Variants in SLC19A1 observed in about 807,000 individuals in gnomAD.
SLC19A1 encodes solute carrier family 19 member 1.
In SLC19A1, 37 loss-of-function variants were observed where a neutral mutation model predicts 35.3. The observed-to-expected ratio is 1.05, with a 90% CI of 0.81 to 1.38. The LOEUF (loss-of-function observed/expected upper bound fraction) is 1.38. Ranked by LOEUF, SLC19A1 falls within the 40% of genes most tolerant of loss-of-function variation. The pLI is 0.00. For synonymous variants in SLC19A1, 460 were observed against 398.5 expected, an observed-to-expected ratio of 1.15 and a Z score of -1.84; for missense variants, 831 against 826.9, an observed-to-expected ratio of 1.00 and a Z score of -0.06.
rs1568942232 is a variant in SLC19A1, at chr21:45,505,213, GCCAGGGCCCTCCCGGCCCCCCAGGCCCC to G, written c.498-6629_498-6602del. ...CCCCCCGGCATCGGCTACGAGGGGC[GCCAGGGCCCTCCCGGCCCCCCAGGCCCC>G]CCAGGGCCCCCTTCATTTCCTGGCC... On this transcript the variant is annotated intron_variant, in intron 3 of 4. Transcript: ENST00000417954. 7 of 1,600,038 alleles carry G rather than the reference GCCAGGGCCCTCCCGGCCCCCCAGGCCCC, an allele frequency of 4.4e-6. No individual in the cohort carries two copies. The highest frequency in any genetic ancestry group is 1.7e-5 in the Admixed American group (1 of 58,530).
rs1477231448 is a variant in SLC19A1 at position 45,534,698 on chromosome 21, T to G, written c.190-2550A>C. The G allele has an allele frequency of 3.9e-6, 4 of 1,033,292 alleles. No individual in the cohort carries two copies. The African/African-American group carries it at 6.3e-5, about 16-fold the overall frequency. The allele number at this position is 1,033,292 out of a possible 1,614,324, so 64.0% of individuals were successfully genotyped here. A position where few individuals can be genotyped will look rare whatever the true frequency, so the allele number is the denominator to read the frequency against. On this transcript the variant is annotated intron_variant, in intron 2 of 5. Transcript: ENST00000311124. This position sits in a 1 kb window ranked among gnomAD's most constrained non-coding sequence, Gnocchi z 4.2. ...CTCCCGCTCCTCTCCCTGCACCTCCTCAACGGCCCCTACTCCCTCTTCCTC... is the reference window on the plus strand; with the variant it reads ...CTCCCGCTCCTCTCCCTGCACCTCCGCAACGGCCCCTACTCCCTCTTCCTC...
intron 3 of SLC19A1, chr21:45,506,038 G>T (rs1392673828): frequency 2.5e-6 from 4 of 1,608,412 alleles, no homozygotes; most frequent in Non-Finnish European, 2.5e-6. Flanking sequence ...TAAGGAAGGC[G>T]AGAGGCTCAG....
At position 45,531,441 on chromosome 21, in the gene SLC19A1, G is replaced by A. The variant is rs567830515; in HGVS notation, c.897C>T (p.Thr299=). 1 of 1,611,302 alleles carries A rather than the reference G, an allele frequency of 6.2e-7. No homozygotes were observed. Among genetic ancestry groups the A allele is most frequent in the East Asian group, 2.2e-5 (1 of 44,872 alleles). ...HILWNEVDPT[T]NSARVYNGAA... Reference sequence around the variant, plus strand: ...CGCCGTTGTAGACCCGCGCACTGTTGGTGGTGGGGTCCACCTCGTTCCACA... The same window carrying A: ...CGCCGTTGTAGACCCGCGCACTGTTAGTGGTGGGGTCCACCTCGTTCCACA... The change falls in exon 3 of 6, where the codon ACC becomes ACT. Residue 299 remains threonine, a synonymous_variant. Transcript: ENST00000311124.
chr21:45,512,250 G>A, downstream of SLC19A1: 1 of 1,612,574 alleles, frequency 6.2e-7, no homozygotes, highest in Non-Finnish European at 8.5e-7. Context: ...GAGAGCTACT[G>A]TGAGACGTGG....
chr21:45,535,598 G>A (rs1389793307), intron 2 of SLC19A1, among the ~76,000 whole-genome samples: 1 of 152,196 alleles, frequency 6.6e-6, no homozygotes, highest in Non-Finnish European at 1.5e-5. Context: ...GCAGCCCGTG[G>A]CAGGCTGCAG....
intron 5 of SLC19A1, among the ~76,000 whole-genome samples, chr21:45,523,262 C>T (rs2077492275): frequency 1.3e-5 from 2 of 152,184 alleles, no homozygotes; most frequent in South Asian, 2.1e-4. Flanking sequence ...TCCTCTAGAC[C>T]CAACAGGATG....
chr21:45,546,221 G>A (rs2078414209), upstream of SLC19A1, among the ~76,000 whole-genome samples: 2 of 152,282 alleles, frequency 1.3e-5, no homozygotes, highest in South Asian at 4.1e-4. Flanking sequence ...GAAGCCAGAA[G>A]CCCTGTGGCA....
chr21:45,515,579 A>C lies in SLC19A1; in HGVS notation c.*79T>G. 6.3e-7 allele frequency: 1 copy of C among 1,586,202 alleles called. No homozygotes were observed. Among genetic ancestry groups the C allele is most frequent in the Non-Finnish European group, 8.5e-7 (1 of 1,172,706 alleles). Reference sequence around the variant, plus strand: ...GGATAAGCGGAGGCCCCCATTGCTAAGGCAGGCGGCCCTCGAGGCAGGGGT... The same window carrying C: ...GGATAAGCGGAGGCCCCCATTGCTACGGCAGGCGGCCCTCGAGGCAGGGGT... On this transcript the variant is annotated 3_prime_UTR_variant, in exon 6 of 6. Transcript: ENST00000311124.
upstream of SLC19A1, chr21:45,544,453 C>A: frequency 6.3e-6 from 1 of 157,576 alleles, no homozygotes; most frequent in South Asian, 2.1e-4. Context: ...GGGCTCCACC[C>A]AAAATAGAGA....
rs139170663 is a variant in SLC19A1 at position 45,515,366 on chromosome 21, C to A, written c.*292G>T. 1,201 of 1,438,830 alleles carry A rather than the reference C, an allele frequency of 8.3e-4. 15 individuals are homozygous for A. The African/African-American group carries it at 0.015, about 18-fold the overall frequency. 89.1% of individuals were successfully genotyped at this position (1,438,830 alleles called of 1,614,324 possible). On this transcript the variant is annotated 3_prime_UTR_variant, in exon 6 of 6. Coordinates refer to ENST00000311124, the MANE Select transcript of SLC19A1 (RefSeq NM_194255.4). ...CAGAAAGGATTTGTCTCAAGCCCCC[C>A]AAGGGGCATGAGCCAGTGAGGCCTG...
chr21:45,560,184 C>T (rs1260839788), intron 1 of SLC19A1, among the ~76,000 whole-genome samples: 4 of 152,146 alleles, frequency 2.6e-5, no homozygotes, highest in African/African-American at 9.7e-5. Flanking sequence ...GGTGGGGACG[C>T]CAGGGCCCGG....
chr21:45,545,118 C>T (rs544528729), upstream of SLC19A1, among the ~76,000 whole-genome samples: 5 of 152,190 alleles, frequency 3.3e-5, no homozygotes, highest in African/African-American at 4.8e-5. Flanking sequence ...TCCATGCAGA[C>T]GTGCAGAGAC....
intron 5 of SLC19A1, among the ~76,000 whole-genome samples, chr21:45,521,672 G>A (rs534890166): frequency 2.9e-4 from 44 of 152,302 alleles, no homozygotes; most frequent in African/African-American, 1.1e-3. Context: ...TAAACACATA[G>A]TTCAATGGAA....
Position 45,515,042 on chromosome 21 carries a change from G to C in SLC19A1, c.*616C>G. ...GGGCTGCCCTTAGGGTGGGAGAGAG[G>C]AACCAGCTCCGAGGACCAGAGCCGC... On this transcript the variant is annotated 3_prime_UTR_variant, in exon 6 of 6. Coordinates refer to ENST00000311124, the MANE Select transcript of SLC19A1 (RefSeq NM_194255.4). The C allele has an allele frequency of 6.5e-7, 1 of 1,543,056 alleles. No individual in the cohort carries two copies. The highest frequency in any genetic ancestry group is 8.7e-7 in the Non-Finnish European group (1 of 1,144,710).
chr21:45,522,603 GAATA>G (rs1047969713), intron 5 of SLC19A1, among the ~76,000 whole-genome samples: 2 of 152,190 alleles, frequency 1.3e-5, no homozygotes, highest in South Asian at 2.1e-4. Flanking sequence ...TTTCAACGGT[GAATA>G]AATAAAGTGT....
chr21:45,512,476 C>A, downstream of SLC19A1: 1 of 1,390,934 alleles, frequency 7.2e-7, no homozygotes, highest in Non-Finnish European at 1.0e-6. Context: ...AGCGGCCGGC[C>A]AGCCCCTGGC....
At chr21:45,511,540 C>T (rs1358057305), downstream of SLC19A1, among the ~76,000 whole-genome samples, 1 of 152,066 alleles carries the variant, frequency 6.6e-6, no homozygotes, top group Non-Finnish European at 1.5e-5. Context: ...AGCAGCGCAG[C>T]GAGTTTATTC....
chr21:45,519,570 C>CAAAAAAAAAAAAAAAAAAAAAAA (rs57639933), intron 5 of SLC19A1, among the ~76,000 whole-genome samples: 1 of 57,232 alleles, frequency 1.7e-5, no homozygotes, highest in African/African-American at 7.2e-5. Context: ...AACTTCTGAG[C>CAAAAAAAAAAAAAAAAAAAAAAA]AAAAAAAAAA....
chr21:45,562,171 A>G (rs2078621988), intron 1 of SLC19A1, among the ~76,000 whole-genome samples: 1 of 151,684 alleles, frequency 6.6e-6, no homozygotes, highest in Non-Finnish European at 1.5e-5. Flanking sequence ...AATGCACACT[A>G]ACTCCAAAGG....
Sources: allele counts gnomAD v4.1 joint callset (sites outside exome capture counted in the v4.1 genomes callset), GRCh38; gene constraint gnomAD v4.1.1; non-coding constraint Gnocchi (gnomAD v3.1); transcripts MANE v1.5; gene names NCBI Gene and HGNC (gene_info 2026-07-23, HGNC 2026-07-21).